The following RBFOX1 variants were observed in gnomAD, a reference collection of about 807,000 sequenced individuals.
RBFOX1 encodes RNA binding fox-1 homolog 1, also known as RNA binding protein fox-1 homolog 1.
RBFOX1 carries 8 observed loss-of-function variants against 57.7 expected under a neutral mutation model. The ratio of observed to expected loss-of-function variants is 0.14; its 90% CI spans 0.08 to 0.25. The LOEUF is 0.25. Among genes scored for constraint, RBFOX1 ranks in the 10% least tolerant of loss-of-function variants. The probability of loss-of-function intolerance (pLI) is 1.00; values close to 1 mark genes in which losing one functional copy is unlikely to be tolerated. For missense variants in RBFOX1, 611 were observed against 548.5 expected, an observed-to-expected ratio of 1.11 and a Z score of -1.14; for synonymous variants, 326 against 222.4, an observed-to-expected ratio of 1.47 and a Z score of -4.15.
intron 1 of RBFOX1, among the ~76,000 whole-genome samples, chr16:6,073,164 A>G (rs575838910): frequency 1.3e-5 from 2 of 152,298 alleles, no homozygotes; most frequent in Admixed American, 6.5e-5. Flanking sequence ...GTTGGCCACA[A>G]GTTGATAACT....
intron 1 of RBFOX1, among the ~76,000 whole-genome samples, chr16:5,430,614 G>T (rs1290578725): frequency 6.6e-6 from 1 of 152,086 alleles, no homozygotes; most frequent in Non-Finnish European, 1.5e-5. Flanking sequence ...CAGAGTATCA[G>T]TTAGGTTGAC....
At chr16:5,243,520 G>T (rs1158972999) in intron 1 of RBFOX1, among the ~76,000 whole-genome samples, 1 of 152,150 alleles carries the variant, frequency 6.6e-6, no homozygotes, top group Non-Finnish European at 1.5e-5. Flanking sequence ...GCCGTCCCGT[G>T]TATTGTAGGA....
intron 14 of RBFOX1, among the ~76,000 whole-genome samples, chr16:7,688,221 ATGTG>A (rs3029191): frequency 0.24 from 28,632 of 120,372 alleles, 4,129 homozygotes; most frequent in Non-Finnish European, 0.33. Flanking sequence ...GCAGGTTTAA[ATGTG>A]TGTGTGTGTG....
intron 1 of RBFOX1, among the ~76,000 whole-genome samples, chr16:6,306,756 C>A (rs1405929589): frequency 1.3e-5 from 2 of 152,138 alleles, no homozygotes. Flanking sequence ...ATCATTGAAC[C>A]TAAAAGAATC....
At chr16:7,096,644 G>A (rs1460815019) in intron 4 of RBFOX1, among the ~76,000 whole-genome samples, 1 of 151,858 alleles carries the variant, frequency 6.6e-6, no homozygotes, top group African/African-American at 2.4e-5. Flanking sequence ...AGTAAAACGG[G>A]GACTGAGTTG....
chr16:7,041,982 G>C lies in RBFOX1; in HGVS notation c.-15-10075G>C, dbSNP rs116246481. ...ATAATATGGCTAACGTTACTTAGGA[G>C]ATGTTCAAGGACTGGACTTCCTTAG... On this transcript the variant is annotated intron_variant, in intron 3 of 15. Coordinates refer to ENST00000550418, the MANE Select transcript of RBFOX1 (RefSeq NM_018723.4). 4.9e-3 allele frequency among the ~76,000 whole-genome samples: 747 copies of C among 152,274 alleles called. 3 individuals carry two copies. The highest frequency in any genetic ancestry group is 0.016 in the African/African-American group (675 of 41,562).
At chr16:5,961,411 A>G (rs1393326658) in intron 4 of RBFOX1, among the ~76,000 whole-genome samples, 3 of 152,148 alleles carry the variant, frequency 2.0e-5, no homozygotes, top group African/African-American at 7.2e-5. Context: ...GTGGGACAGA[A>G]ATTCTTAACC....
intron 4 of RBFOX1, among the ~76,000 whole-genome samples, chr16:7,215,431 A>G (rs905911072): frequency 2.6e-5 from 4 of 152,210 alleles, no homozygotes; most frequent in Non-Finnish European, 4.4e-5. Context: ...ATGTCCATCA[A>G]TGATAGACTG....
intron 3 of RBFOX1, among the ~76,000 whole-genome samples, chr16:6,700,268 C>A (rs751083812): frequency 2.0e-5 from 3 of 152,046 alleles, no homozygotes; most frequent in East Asian, 1.9e-4. Flanking sequence ...AATAGCTGAA[C>A]CCAAGGCTTG....
At chr16:7,046,840 A>C (rs1415395835) in intron 3 of RBFOX1, among the ~76,000 whole-genome samples, 1 of 152,012 alleles carries the variant, frequency 6.6e-6, no homozygotes, top group African/African-American at 2.4e-5. Flanking sequence ...TCCTAACCTC[A>C]GGTGATCTGC....
intron 3 of RBFOX1, among the ~76,000 whole-genome samples, chr16:6,985,843 A>AAAAAAAAAAC (rs2090127406): frequency 8.1e-6 from 1 of 122,830 alleles, no homozygotes; most frequent in Non-Finnish European, 2.0e-5. Flanking sequence ...AAAAAAAAAA[A>AAAAAAAAAAC]AAAACAGAAT....
At chr16:5,608,484 T>C (rs2047666030) in intron 3 of RBFOX1, among the ~76,000 whole-genome samples, 1 of 152,218 alleles carries the variant, frequency 6.6e-6, no homozygotes, top group African/African-American at 2.4e-5. Context: ...CTATTTGTTG[T>C]GGAAGCCTGG....
intron 3 of RBFOX1, among the ~76,000 whole-genome samples, chr16:6,936,850 T>C (rs1054067636): frequency 2.0e-5 from 3 of 150,696 alleles, no homozygotes; most frequent in African/African-American, 7.3e-5. Flanking sequence ...AAACAGTGTA[T>C]TTTAAAAGCT....
chr16:5,840,127 C>T (rs541057740), intron 3 of RBFOX1, among the ~76,000 whole-genome samples: 1 of 152,294 alleles, frequency 6.6e-6, no homozygotes, highest in East Asian at 1.9e-4. Context: ...CATCCAAAGT[C>T]AGCAGAGAGT....
At chr16:6,667,348 A>G (rs1469235640) in intron 3 of RBFOX1, among the ~76,000 whole-genome samples, 1 of 152,068 alleles carries the variant, frequency 6.6e-6, no homozygotes, top group East Asian at 1.9e-4. Context: ...TGGCTTTGGG[A>G]AGCTCATCTA....
At chr16:5,393,593 G>A (rs2066471647) in intron 1 of RBFOX1, among the ~76,000 whole-genome samples, 1 of 152,152 alleles carries the variant, frequency 6.6e-6, no homozygotes, top group South Asian at 2.1e-4. Flanking sequence ...GCAGACCAGG[G>A]CCTGGTGTTG....
chr16:6,972,285 C>G (rs972454475), intron 3 of RBFOX1, among the ~76,000 whole-genome samples: 1 of 152,040 alleles, frequency 6.6e-6, no homozygotes, highest in Non-Finnish European at 1.5e-5. Flanking sequence ...AACTGTCATT[C>G]TACTTTTTGT....
At chr16:6,261,316 C>G (rs994193094) in intron 1 of RBFOX1, among the ~76,000 whole-genome samples, 1 of 152,178 alleles carries the variant, frequency 6.6e-6, no homozygotes, top group African/African-American at 2.4e-5. Flanking sequence ...TGGTGTTAGC[C>G]TCATCTTTCA....
chr16:5,635,077 C>G (rs914007666), intron 3 of RBFOX1, among the ~76,000 whole-genome samples: 16 of 152,166 alleles, frequency 1.1e-4, no homozygotes, highest in Admixed American at 8.5e-4. Flanking sequence ...ATATGCTAGC[C>G]AGCCCCAAAT....
Sources: allele counts gnomAD v4.1 joint callset (sites outside exome capture counted in the v4.1 genomes callset), GRCh38; gene constraint gnomAD v4.1.1; transcripts MANE v1.5; gene names NCBI Gene and HGNC (gene_info 2026-07-23, HGNC 2026-07-21).